Variants in SYCP1 observed in about 807,000 individuals in gnomAD.
SYCP1 encodes synaptonemal complex protein 1, also known as cancer/testis antigen 8.
SYCP1 carries 64 observed loss-of-function variants against 153.1 expected under a neutral mutation model. That is an observed-to-expected ratio of 0.42 (90% CI 0.34 to 0.51). SYCP1 has a LOEUF of 0.51. Ranked by LOEUF, SYCP1 falls within the 20% of genes least tolerant of loss-of-function variation. SYCP1 has a pLI of 0.06. For synonymous variants in SYCP1, 384 were observed against 341.8 expected (o/e 1.12, Z -1.36); for missense variants, 997 against 1,049.0 (o/e 0.95, Z 0.68).
chr1:114,891,825 G>A lies in SYCP1; in HGVS notation c.1259-3623G>A, dbSNP rs147534018. On this transcript the variant is annotated intron_variant, in intron 15 of 31. Transcript: ENST00000369522. ...TTATTCCTTATTTAGCCTTGGATAT[G>A]TAATGAGGAATGTAACAGACATGGT... is the stretch of plus-strand genomic sequence containing the variant. 4.5e-3 allele frequency among the ~76,000 whole-genome samples: 690 copies of A among 152,306 alleles called. 22 individuals are homozygous for A. Among genetic ancestry groups the A allele is most frequent in the Admixed American group, 0.042 (640 of 15,294 alleles).
intron 18 of SYCP1, among the ~76,000 whole-genome samples, 176 bp downstream of exon 18, chr1:114,911,758 CT>C (rs1468967704): frequency 1.3e-5 from 2 of 151,860 alleles, no homozygotes; most frequent in Admixed American, 1.3e-4. Context: ...GTACATATCA[CT>C]GACATAAAGA....
intron 23 of SYCP1, among the ~76,000 whole-genome samples, chr1:114,943,665 C>T (rs757581963): frequency 2.0e-5 from 3 of 151,674 alleles, no homozygotes; most frequent in Admixed American, 6.6e-5. Flanking sequence ...CATTTAATAG[C>T]TTTTATCAAT....
intron 12 of SYCP1, among the ~76,000 whole-genome samples, chr1:114,884,975 C>T (rs1178691540): frequency 6.6e-6 from 1 of 151,594 alleles, no homozygotes; most frequent in Admixed American, 6.6e-5. Context: ...TAAGTGGAGT[C>T]AAAAGCTTTT....
Position 114,923,485 on chromosome 1 carries a change from GA to G in SYCP1, c.1759del (p.Arg587GlufsTer18). ...AATATGTGAGAGAAGAGCTAAAACAGAAAAGAGATGAAGTTAAATGTAAATT... is the reference window on the plus strand; with the variant it reads ...AATATGTGAGAGAAGAGCTAAAACAGAAAGAGATGAAGTTAAATGTAAATT... ...LEYVREELKQKRDEVKCKLDK... is the reference protein window; with the variant it reads ...LEYVREELKQXRDEVKCKLDK... On this transcript the variant is annotated frameshift_variant, in exon 21 of 32. Coordinates refer to ENST00000369522, the MANE Select transcript of SYCP1 (RefSeq NM_003176.4). LOFTEE classifies it high-confidence loss of function. 1 of 1,591,530 alleles carries G rather than the reference GA, an allele frequency of 6.3e-7. No homozygotes were observed. Among genetic ancestry groups the G allele is most frequent in the Non-Finnish European group, 8.6e-7 (1 of 1,165,864 alleles).
intron 27 of SYCP1, among the ~76,000 whole-genome samples, chr1:114,972,692 A>G (rs951267659): frequency 5.3e-5 from 8 of 152,078 alleles, no homozygotes; most frequent in African/African-American, 4.8e-5. Flanking sequence ...TTTAAATTCC[A>G]TGTGATTTTA....
intron 27 of SYCP1, among the ~76,000 whole-genome samples, chr1:114,967,781 GGTCTTTACA>G (rs1363557628): frequency 6.6e-6 from 1 of 152,146 alleles, no homozygotes; most frequent in Non-Finnish European, 1.5e-5. Context: ...TAGTGTTGAT[GGTCTTTACA>G]TTTTGGTATG....
chr1:114,880,842 C>A (rs1468011327), intron 12 of SYCP1, among the ~76,000 whole-genome samples: 1 of 151,948 alleles, frequency 6.6e-6, no homozygotes, highest in Non-Finnish European at 1.5e-5. Context: ...ACTACTCCAC[C>A]CTCCCTAGAA....
intron 28 of SYCP1, among the ~76,000 whole-genome samples, chr1:114,978,106 T>C (rs1672921692): frequency 6.6e-6 from 1 of 151,622 alleles, no homozygotes; most frequent in Admixed American, 6.6e-5. Context: ...TTTTTATTAT[T>C]GAAGACTTTA....
chr1:114,880,680 A>G (rs1203273574), intron 12 of SYCP1, among the ~76,000 whole-genome samples: 2 of 152,168 alleles, frequency 1.3e-5, no homozygotes, highest in Admixed American at 1.3e-4. Flanking sequence ...ACAGCATCTT[A>G]GTCTTTTGCT....
At position 114,973,703 on chromosome 1, in the gene SYCP1, C is replaced by A. The variant is rs1016633973; in HGVS notation, c.2323-3854C>A. ...ACTACTTTTGTTTCTTTCCTCTCTT[C>A]CTGTCTTGCTTTTTTGTTGTTGTTG... On this transcript the variant is annotated intron_variant, in intron 27 of 31. Coordinates refer to ENST00000369522, the MANE Select transcript of SYCP1 (RefSeq NM_003176.4). 5.3e-4 allele frequency among the ~76,000 whole-genome samples: 81 copies of A among 151,984 alleles called. 1 individual carries two copies. The highest frequency in any genetic ancestry group is 1.8e-3 in the African/African-American group (73 of 41,526).
Position 114,926,513 on chromosome 1 carries a change from A to C in SYCP1, c.1876A>C (p.Lys626Gln). 1 of 1,551,796 alleles carries C rather than the reference A, an allele frequency of 6.4e-7. No homozygotes were observed. The highest frequency in any genetic ancestry group is 8.7e-7 in the Non-Finnish European group (1 of 1,145,544). ...EELQQENKAL[K>Q]KKGTAESKQL... ...TTAATTTTAACAGAATAAGGCCTTG[A>C]AAAAAAAAGGTACAGCAGAAAGCAA... The change falls in exon 23 of 32, where the codon AAA becomes CAA. Residue 626 changes from lysine to glutamine, a missense_variant. Lys to Gln is a moderately conservative substitution (Grantham distance 53, BLOSUM62 1). Coordinates refer to ENST00000369522, the MANE Select transcript of SYCP1 (RefSeq NM_003176.4).
At position 114,995,132 on chromosome 1, in the gene SYCP1, T is replaced by A; in HGVS notation, c.*113T>A. 1 of 1,030,240 alleles carries A rather than the reference T, an allele frequency of 9.7e-7. No homozygotes were observed. Among genetic ancestry groups the A allele is most frequent in the Non-Finnish European group, 1.3e-6 (1 of 741,284 alleles). 63.8% of individuals were successfully genotyped at this position (1,030,240 alleles called of 1,614,324 possible). On this transcript the variant is annotated 3_prime_UTR_variant, in exon 32 of 32. Coordinates refer to ENST00000369522, the MANE Select transcript of SYCP1 (RefSeq NM_003176.4). The stretch of plus-strand genomic sequence containing the variant: ...CTGGAAGTTGAGACTTAAAAAATAC[T>A]TGCATGAATGATTTGTGTTTCTTTA...
intron 23 of SYCP1, among the ~76,000 whole-genome samples, chr1:114,936,808 G>T (rs1225351636): frequency 6.6e-6 from 1 of 152,088 alleles, no homozygotes; most frequent in African/African-American, 2.4e-5. Context: ...GCTTCAAAGA[G>T]AATAAAATAC....
intron 23 of SYCP1, among the ~76,000 whole-genome samples, chr1:114,936,972 A>G (rs1444307544): frequency 6.6e-6 from 1 of 152,220 alleles, no homozygotes; most frequent in Non-Finnish European, 1.5e-5. Context: ...ATACTGCCCA[A>G]GGTAATTTAT....
intron 23 of SYCP1, among the ~76,000 whole-genome samples, chr1:114,940,243 G>A (rs779911430): frequency 6.6e-6 from 1 of 151,914 alleles, no homozygotes; most frequent in African/African-American, 2.4e-5. Context: ...GATTACAGGC[G>A]TGTGCCTCCA....
chr1:114,994,684 T>A lies in SYCP1; in HGVS notation c.2704-14T>A. The A allele has an allele frequency of 4.5e-6, 7 of 1,540,536 alleles. No homozygotes were observed. The highest frequency in any genetic ancestry group is 4.6e-5 in the Admixed American group (2 of 43,460). On this transcript the variant is annotated splice_polypyrimidine_tract_variant and intron_variant, in intron 30 of 31. Coordinates refer to ENST00000369522, the MANE Select transcript of SYCP1 (RefSeq NM_003176.4). Reference sequence around the variant, plus strand: ...TGGTAAACCCAACATCATATTTTTTTATTTTTCTTCAAGAGCATGGTTTCA... The same window carrying A: ...TGGTAAACCCAACATCATATTTTTTAATTTTTCTTCAAGAGCATGGTTTCA...
At chr1:114,917,024 TA>T (rs1195685992) in intron 20 of SYCP1, among the ~76,000 whole-genome samples, 4 of 152,042 alleles carry the variant, frequency 2.6e-5, no homozygotes, top group African/African-American at 9.7e-5. Flanking sequence ...CTTTTACTTT[TA>T]AAAAAAGTAC....
At chr1:114,973,886 A>G (rs546843629) in intron 27 of SYCP1, among the ~76,000 whole-genome samples, 1 of 151,884 alleles carries the variant, frequency 6.6e-6, no homozygotes, top group East Asian at 1.9e-4. Context: ...TTCTATTACT[A>G]TTATCTTTCT....
At position 114,994,686 on chromosome 1, in the gene SYCP1, T is replaced by G; in HGVS notation, c.2704-12T>G. The G allele has an allele frequency of 6.5e-7, 1 of 1,542,520 alleles. No homozygotes were observed. The highest frequency in any genetic ancestry group is 8.7e-7 in the Non-Finnish European group (1 of 1,152,954). ...GTAAACCCAACATCATATTTTTTTA[T>G]TTTTCTTCAAGAGCATGGTTTCAGA... On this transcript the variant is annotated splice_polypyrimidine_tract_variant and intron_variant, in intron 30 of 31. Coordinates refer to ENST00000369522, the MANE Select transcript of SYCP1 (RefSeq NM_003176.4).
Sources: allele counts gnomAD v4.1 joint callset (sites outside exome capture counted in the v4.1 genomes callset), GRCh38; gene constraint gnomAD v4.1.1; transcripts MANE v1.5; gene names NCBI Gene and HGNC (gene_info 2026-07-23, HGNC 2026-07-21).